The following FYB2 variants were observed in gnomAD, a reference collection of about 807,000 sequenced individuals.
FYB2 encodes FYN binding protein 2.
In FYB2, 103 loss-of-function variants were observed where a neutral mutation model predicts 94.1. The observed-to-expected ratio is 1.09, with a 90% CI of 0.93 to 1.29. FYB2 has a LOEUF of 1.29. Ranked by LOEUF, FYB2 falls within the 50% of genes most tolerant of loss-of-function variation. The probability of loss-of-function intolerance (pLI) is 0.00; values close to 1 mark genes in which losing one functional copy is unlikely to be tolerated. For synonymous variants in FYB2, 293 were observed against 287.9 expected (o/e 1.02, Z -0.18); for missense variants, 896 against 841.5 (o/e 1.06, Z -0.80).
chr1:56,724,615 T>C (rs1278813210), intron 16 of FYB2, among the ~76,000 whole-genome samples: 3 of 152,026 alleles, frequency 2.0e-5, no homozygotes, highest in Admixed American at 6.6e-5. Context: ...GTTATGTCAC[T>C]CTCTTGCTTA....
At position 56,792,704 on chromosome 1, in the gene FYB2, T is replaced by A. The variant is rs755064459; in HGVS notation, c.109A>T (p.Lys37Ter). 5.0e-6 allele frequency: 8 copies of A among 1,613,946 alleles called. No homozygotes were observed. Among genetic ancestry groups the A allele is most frequent in the Non-Finnish European group, 6.8e-6 (8 of 1,180,002 alleles). Residue 37 changes from lysine (K) to a stop codon, truncating the protein, a stop_gained, in exon 2 of 20, where the codon AAG becomes TAG. Transcript: ENST00000343433. LOFTEE classifies it high-confidence loss of function. Reference sequence around the variant, plus strand: ...GACTGTGTGCCTCCAATGTCACCCTTTGGAGAAACACCTGCTGGGAATTTA... The same window carrying A: ...GACTGTGTGCCTCCAATGTCACCCTATGGAGAAACACCTGCTGGGAATTTA... ...PIKFPAGVSP[K>*]GDIGGTQSTQ...
chr1:56,782,616 G>A (rs569216404), intron 4 of FYB2, among the ~76,000 whole-genome samples: 1 of 152,158 alleles, frequency 6.6e-6, no homozygotes, highest in South Asian at 2.1e-4. Flanking sequence ...TCATCGGAAA[G>A]ATTCAAAATA....
intron 14 of FYB2, 60 bp downstream of exon 14, chr1:56,738,565 C>T (rs1381676856): frequency 2.7e-6 from 4 of 1,492,786 alleles, no homozygotes; most frequent in Non-Finnish European, 3.7e-6. Flanking sequence ...TTCTCTTTCC[C>T]TGCCTCTGAA....
chr1:56,723,843 A>G (rs934170691), intron 16 of FYB2, among the ~76,000 whole-genome samples, 162 bp from the exon 17 acceptor site: 5 of 145,486 alleles, frequency 3.4e-5, no homozygotes, highest in Non-Finnish European at 5.9e-5. Context: ...GTATTTGTGT[A>G]TATGTACACA....
intron 1 of FYB2, among the ~76,000 whole-genome samples, chr1:56,797,943 G>T (rs1348357954): frequency 2.0e-5 from 3 of 152,022 alleles, no homozygotes; most frequent in Non-Finnish European, 1.5e-5. Flanking sequence ...TTCAGTATTT[G>T]CCCACTGCTG....
At chr1:56,754,382 T>C (rs1210841614) in intron 7 of FYB2, among the ~76,000 whole-genome samples, 1 of 152,080 alleles carries the variant, frequency 6.6e-6, no homozygotes, top group African/African-American at 2.4e-5. Context: ...TACAATGCCC[T>C]TCATGATATA....
chr1:56,750,979 T>G, intron 9 of FYB2, 65 bp downstream of exon 9: 10 of 1,515,660 alleles, frequency 6.6e-6, no homozygotes, highest in Non-Finnish European at 9.0e-6. Flanking sequence ...AATTAAAATT[T>G]TGGCCATGCT....
chr1:56,743,155 T>G (rs1193127481), intron 11 of FYB2, among the ~76,000 whole-genome samples: 1 of 152,084 alleles, frequency 6.6e-6, no homozygotes. Context: ...ATAAACTTCC[T>G]GAAGGTACTT....
intron 15 of FYB2, among the ~76,000 whole-genome samples, chr1:56,735,193 A>G (rs1644804358): frequency 1.3e-5 from 2 of 152,144 alleles, no homozygotes; most frequent in South Asian, 4.1e-4. Context: ...AATAGCCAAC[A>G]TATGGAATCA....
intron 17 of FYB2, 21 bp from the exon 18 acceptor site, chr1:56,720,350 T>G (rs1644462490): frequency 6.3e-7 from 1 of 1,580,890 alleles, no homozygotes; most frequent in Non-Finnish European, 8.6e-7. Context: ...AAATTACTAA[T>G]CAGACCATTC....
At chr1:56,825,317 G>A in the FYB2 span, among the ~76,000 whole-genome samples, 1 of 152,116 alleles carries the variant, frequency 6.6e-6, no homozygotes, top group Non-Finnish European at 1.5e-5. Flanking sequence ...AGAGGAGGAG[G>A]GAGTTGGGAG....
At chr1:56,772,841 G>A (rs1645791359) in intron 4 of FYB2, among the ~76,000 whole-genome samples, 1 of 152,148 alleles carries the variant, frequency 6.6e-6, no homozygotes, top group Admixed American at 6.5e-5. Context: ...ACAAAAGTGT[G>A]CTGGTAATAT....
intron 15 of FYB2, among the ~76,000 whole-genome samples, chr1:56,730,283 T>G (rs1644676909): frequency 7.9e-6 from 1 of 126,458 alleles, no homozygotes; most frequent in African/African-American, 3.1e-5. Context: ...TTACCTAGAC[T>G]AGAGAGAGAG....
chr1:56,796,801 C>T (rs1570193063), intron 1 of FYB2, among the ~76,000 whole-genome samples: 1 of 152,188 alleles, frequency 6.6e-6, no homozygotes, highest in Non-Finnish European at 1.5e-5. Context: ...TTTGAATGTG[C>T]TGCCTGCAAT....
intron 1 of FYB2, among the ~76,000 whole-genome samples, chr1:56,818,713 C>T (rs1646943555): frequency 6.6e-6 from 1 of 152,168 alleles, no homozygotes; most frequent in Non-Finnish European, 1.5e-5. Flanking sequence ...GATAGTCTCA[C>T]AAAGTAGTTA....
At chr1:56,821,373 G>C (rs1431602194), upstream of FYB2, among the ~76,000 whole-genome samples, 1 of 118,836 alleles carries the variant, frequency 8.4e-6, no homozygotes, top group Admixed American at 8.2e-5. Flanking sequence ...GTAGCTGTTA[G>C]GGGTGGGTAC....
intron 4 of FYB2, among the ~76,000 whole-genome samples, chr1:56,780,479 T>C (rs1645983029): frequency 6.6e-6 from 1 of 152,180 alleles, no homozygotes; most frequent in East Asian, 1.9e-4. Flanking sequence ...TAAGGCAGCC[T>C]GGGGTGATAG....
At chr1:56,786,786 A>C (rs1239870762) in intron 4 of FYB2, among the ~76,000 whole-genome samples, 1 of 152,162 alleles carries the variant, frequency 6.6e-6, no homozygotes, top group African/African-American at 2.4e-5. Flanking sequence ...TCTGTGGCAA[A>C]ATTCTTAGAA....
chr1:56,722,130 CTGT>C (rs1557577718), intron 17 of FYB2, among the ~76,000 whole-genome samples: 1 of 152,098 alleles, frequency 6.6e-6, no homozygotes, highest in Non-Finnish European at 1.5e-5. Context: ...AATTGCCTCA[CTGT>C]TGTTTTTCAA....
Sources: allele counts gnomAD v4.1 joint callset (sites outside exome capture counted in the v4.1 genomes callset), GRCh38; gene constraint gnomAD v4.1.1; transcripts MANE v1.5; gene names NCBI Gene and HGNC (gene_info 2026-07-23, HGNC 2026-07-21).